MAK: variants seen among roughly 807,000 people sequenced by gnomAD.
MAK encodes the protein male germ cell associated kinase, also known as serine/threonine-protein kinase MAK.
Under a neutral mutation model 82.6 loss-of-function variants are expected in MAK, and 65 were observed. The ratio of observed to expected loss-of-function variants is 0.79; its 90% CI spans 0.64 to 0.97. The LOEUF is 0.97. Among genes scored for constraint, MAK ranks in the 50% least tolerant of loss-of-function variants. MAK has a pLI of 0.00. For synonymous variants in MAK, 250 were observed against 274.2 expected (o/e 0.91, Z 0.87); for missense variants, 703 against 780.2 (o/e 0.90, Z 1.18).
intron 6 of MAK, among the ~76,000 whole-genome samples, chr6:10,806,609 G>A (rs183530009): frequency 3.4e-4 from 51 of 149,018 alleles, no homozygotes; most frequent in Admixed American, 6.1e-4. Context: ...CACCTGCCTC[G>A]GATTCCCAAA....
chr6:10,810,789 C>T (rs1776869947), intron 5 of MAK, among the ~76,000 whole-genome samples: 1 of 152,120 alleles, frequency 6.6e-6, no homozygotes, highest in Admixed American at 6.6e-5. Flanking sequence ...TTCACTATGT[C>T]CAAGAGACAT....
intron 5 of MAK, among the ~76,000 whole-genome samples, chr6:10,812,912 C>T (rs543069044): frequency 2.3e-4 from 34 of 149,442 alleles, no homozygotes; most frequent in African/African-American, 7.6e-4. Context: ...TATAGGCGCG[C>T]GCCACCAAGC....
chr6:10,822,102 G>C (rs551739386), intron 2 of MAK, among the ~76,000 whole-genome samples: 51 of 131,632 alleles, frequency 3.9e-4, no homozygotes, highest in South Asian at 1.9e-3. Flanking sequence ...AGCTGAGATC[G>C]CACCACTGCA....
At chr6:10,815,912 GTATATATATATATATATATATA>G (rs3064109) in intron 4 of MAK, among the ~76,000 whole-genome samples, 40 of 108,346 alleles carry the variant, frequency 3.7e-4, no homozygotes, top group African/African-American at 1.5e-3. Flanking sequence ...GCTTTATACA[GTATATATATATATATATATATA>G]TATATATATA....
intron 1 of MAK, among the ~76,000 whole-genome samples, chr6:10,836,785 G>T (rs1383844473): frequency 6.6e-6 from 1 of 152,124 alleles, no homozygotes; most frequent in African/African-American, 2.4e-5. Flanking sequence ...TAACAGAATT[G>T]TTAAAAACTT....
At chr6:10,837,853 AG>A (rs1214308928) in intron 1 of MAK, among the ~76,000 whole-genome samples, 5 of 152,088 alleles carry the variant, frequency 3.3e-5, no homozygotes, top group African/African-American at 1.2e-4. Flanking sequence ...GGCTCTTAAA[AG>A]GCTCCAGGGA....
rs1003311273 is a variant in MAK at position 10,791,143 on chromosome 6, G to C, written c.1316+532C>G. On this transcript the variant is annotated intron_variant, in intron 10 of 14. Coordinates refer to ENST00000354489, the MANE Select transcript of MAK (RefSeq NM_001242957.3). ...GACACACTCTCTACACACACACACAGACACACACACCCCACTCATCTGTTA... is the reference window on the plus strand; with the variant it reads ...GACACACTCTCTACACACACACACACACACACACACCCCACTCATCTGTTA... Among the ~76,000 whole-genome samples, 30 of 152,044 alleles carry C rather than the reference G, an allele frequency of 2.0e-4. 1 individual carries two copies. The highest frequency in any genetic ancestry group is 3.4e-3 in the Middle Eastern group (1 of 294).
Position 10,815,940 on chromosome 6 carries a change from ATATAT to A in MAK, c.278+1905_278+1909del, listed in dbSNP as rs1561991964. On this transcript the variant is annotated intron_variant, in intron 4 of 14. Coordinates refer to ENST00000354489, the MANE Select transcript of MAK (RefSeq NM_001242957.3). ...TATATATATATATATATATATATAT[ATATAT>A]ATGTATGTTTTCTTTTTTGTTTGAG... 1.4e-4 allele frequency among the ~76,000 whole-genome samples: 13 copies of A among 89,780 alleles called. 2 individuals are homozygous for A. Among genetic ancestry groups the A allele is most frequent in the African/African-American group, 4.8e-4 (13 of 27,028 alleles). 58.9% of individuals were successfully genotyped at this position (89,780 alleles called of 152,430 possible).
chr6:10,779,054 G>GGA (rs953530247), intron 11 of MAK, among the ~76,000 whole-genome samples: 10 of 150,068 alleles, frequency 6.7e-5, no homozygotes, highest in African/African-American at 2.5e-4. Flanking sequence ...CCTGAACCCA[G>GGA]GAGGTGGAGG....
At chr6:10,778,565 C>T (rs1375834907) in intron 11 of MAK, among the ~76,000 whole-genome samples, 1 of 151,948 alleles carries the variant, frequency 6.6e-6, no homozygotes, top group Non-Finnish European at 1.5e-5. Flanking sequence ...GAGGTGCGAT[C>T]CTTGAAGAGG....
At position 10,764,188 on chromosome 6, in the gene MAK, TCAAATA is replaced by T; in HGVS notation, c.*258_*263del. 2.4e-6 allele frequency: 1 copy of T among 414,534 alleles called. No homozygotes were observed. Among genetic ancestry groups the T allele is most frequent in the South Asian group, 3.6e-5 (1 of 27,820 alleles). 25.7% of individuals were successfully genotyped at this position (414,534 alleles called of 1,614,324 possible). A position where few individuals can be genotyped will look rare whatever the true frequency, so the allele number is the denominator to read the frequency against. ...GATTTACTATTTATTAAATTGTAGA[TCAAATA>T]CTTCATACTTTGGCAAATAGTTTAT... On this transcript the variant is annotated 3_prime_UTR_variant, in exon 15 of 15. Transcript: ENST00000354489.
chr6:10,796,956 C>T (rs779552753), intron 8 of MAK, among the ~76,000 whole-genome samples: 9 of 152,144 alleles, frequency 5.9e-5, no homozygotes, highest in Non-Finnish European at 8.8e-5. Flanking sequence ...AATGTGATTA[C>T]TTCAAGCTAA....
rs115524844 is a variant in MAK, at chr6:10,832,516, C to T, written c.-229-1639G>A. ...GCCACCACCCTGATCGGTCAGCAGC[C>T]ATCAACACAGAGGCAAAGCCCTCCA... On this transcript the variant is annotated intron_variant, in intron 1 of 14. Coordinates refer to ENST00000354489, the MANE Select transcript of MAK (RefSeq NM_001242957.3). Among the ~76,000 whole-genome samples, 1,241 of 152,328 alleles carry T rather than the reference C, an allele frequency of 8.1e-3. 21 individuals are homozygous for T. Among genetic ancestry groups the T allele is most frequent in the African/African-American group, 0.027 (1,123 of 41,562 alleles).
At chr6:10,771,747 C>G (rs565061840) in intron 13 of MAK, among the ~76,000 whole-genome samples, 47 of 152,358 alleles carry the variant, frequency 3.1e-4, no homozygotes, top group African/African-American at 1.1e-3. Context: ...ATACAGTGAG[C>G]ACATGCTCTC....
At chr6:10,836,853 A>T (rs1452808071) in intron 1 of MAK, among the ~76,000 whole-genome samples, 2 of 152,234 alleles carry the variant, frequency 1.3e-5, no homozygotes, top group Non-Finnish European at 2.9e-5. Flanking sequence ...TTAAAGAAAA[A>T]GATGCTTATT....
chr6:10,764,647 T>A, intron 14 of MAK, 41 bp from the exon 15 acceptor site: 1 of 1,572,984 alleles, frequency 6.4e-7, no homozygotes, highest in Non-Finnish European at 8.7e-7. Flanking sequence ...TTTACTCATT[T>A]GCTTATCAAA....
rs1477842360 is a variant in MAK at position 10,830,481 on chromosome 6, T to G, written c.101+67A>C. On this transcript the variant is annotated intron_variant, in intron 2 of 14. Transcript: ENST00000354489. Reference sequence around the variant, plus strand: ...GCTGGCCTGTGCTGGTATATATTCTTAAGCGAGGACAGGAAAATAAAGAGC... The same window carrying G: ...GCTGGCCTGTGCTGGTATATATTCTGAAGCGAGGACAGGAAAATAAAGAGC... 3.7e-6 allele frequency: 5 copies of G among 1,333,780 alleles called. No individual in the cohort carries two copies. In the African/African-American group the frequency reaches 7.2e-5, roughly 19 times the overall value. 82.6% of individuals were successfully genotyped at this position (1,333,780 alleles called of 1,614,324 possible). A position where few individuals can be genotyped will look rare whatever the true frequency, so the allele number is the denominator to read the frequency against.
intron 2 of MAK, among the ~76,000 whole-genome samples, chr6:10,822,146 C>CAAAA (rs751345869): frequency 5.5e-5 from 2 of 36,542 alleles, no homozygotes; most frequent in African/African-American, 1.0e-4. Flanking sequence ...GACTCCGTCT[C>CAAAA]AAAAAAAAAA....
chr6:10,838,294 C>T (rs1779291861), intron 1 of MAK: 1 of 152,408 alleles, frequency 6.6e-6, no homozygotes, highest in Non-Finnish European at 1.5e-5. Context: ...ACCACTCCCG[C>T]CCGCTCCGCC....
Sources: allele counts gnomAD v4.1 joint callset (sites outside exome capture counted in the v4.1 genomes callset), GRCh38; gene constraint gnomAD v4.1.1; transcripts MANE v1.5; gene names NCBI Gene and HGNC (gene_info 2026-07-23, HGNC 2026-07-21).